The following PSD3 variants were observed in gnomAD, a reference collection of about 807,000 sequenced individuals.
The protein encoded by PSD3 is pleckstrin and Sec7 domain containing 3.
A neutral mutation model predicts 105.5 loss-of-function variants in PSD3; 49 were observed. The ratio of observed to expected loss-of-function variants is 0.46; its 90% CI spans 0.37 to 0.59. The LOEUF (loss-of-function observed/expected upper bound fraction) is 0.59, where lower values mean the gene tolerates loss of function less well. PSD3 is among the 20% of genes least tolerant of loss of function. The pLI, the probability that PSD3 is intolerant of heterozygous loss-of-function variation, is 0.00. For missense variants in PSD3, 1,561 were observed against 1,263.8 expected, an observed-to-expected ratio of 1.24 and a Z score of -3.57; for synonymous variants, 557 against 457.8, an observed-to-expected ratio of 1.22 and a Z score of -2.77.
chr8:18,676,387 TTTC>T (rs773769397), intron 9 of PSD3, among the ~76,000 whole-genome samples: 60 of 152,296 alleles, frequency 3.9e-4, no homozygotes, highest in Middle Eastern at 3.4e-3. Flanking sequence ...CATGTATTTC[TTTC>T]TTCTTCTCTT....
At chr8:18,781,710 A>G (rs1039835511) in intron 8 of PSD3, among the ~76,000 whole-genome samples, 7 of 152,152 alleles carry the variant, frequency 4.6e-5, no homozygotes, top group African/African-American at 1.7e-4. Flanking sequence ...ATATTTGAAG[A>G]TCTTCGAGCT....
intron 1 of PSD3, among the ~76,000 whole-genome samples, chr8:18,968,658 C>T (rs1391334283): frequency 2.0e-5 from 3 of 151,976 alleles, no homozygotes; most frequent in East Asian, 1.9e-4. Flanking sequence ...AGGCAGATCA[C>T]GAGGTCAGGA....
intron 11 of PSD3, among the ~76,000 whole-genome samples, chr8:18,623,645 G>GAAAAA (rs34586066): frequency 9.9e-6 from 1 of 101,410 alleles, no homozygotes; most frequent in Non-Finnish European, 2.1e-5. Context: ...CTCCATCTCA[G>GAAAAA]AAAAAAAAAA....
At chr8:18,818,557 G>C (rs77284227) in intron 4 of PSD3, among the ~76,000 whole-genome samples, 1,640 of 152,136 alleles carry the variant, frequency 0.011, 26 homozygotes, top group African/African-American at 0.036. Flanking sequence ...GGTAAAAAGA[G>C]GTTAGTGACA....
intron 1 of PSD3, among the ~76,000 whole-genome samples, chr8:19,021,518 C>T (rs1187708717): frequency 6.7e-6 from 1 of 149,852 alleles, no homozygotes; most frequent in African/African-American, 2.5e-5. Context: ...GGTTTCCAAG[C>T]TGACAGAAAT....
chr8:18,599,811 G>A (rs894557771), intron 12 of PSD3, among the ~76,000 whole-genome samples: 7 of 152,220 alleles, frequency 4.6e-5, no homozygotes, highest in Non-Finnish European at 8.8e-5. Flanking sequence ...TTTAAGGGGC[G>A]TCCTGGAGCC....
intron 11 of PSD3, among the ~76,000 whole-genome samples, chr8:18,601,692 C>CA (rs778735559): frequency 5.9e-5 from 9 of 151,512 alleles, no homozygotes; most frequent in African/African-American, 1.2e-4. Flanking sequence ...TACATATAAC[C>CA]AAAAAAAAGC....
chr8:18,849,273 G>C (rs761406808), intron 4 of PSD3: 4 of 152,144 alleles, frequency 2.6e-5, no homozygotes, highest in Non-Finnish European at 4.4e-5. Flanking sequence ...CTCATTCATT[G>C]ATCTTCCCAC....
At chr8:18,966,544 C>A (rs1291005798) in intron 1 of PSD3, among the ~76,000 whole-genome samples, 6 of 150,568 alleles carry the variant, frequency 4.0e-5, no homozygotes, top group Non-Finnish European at 7.4e-5. Flanking sequence ...GAACTCCGGC[C>A]TGGGCAACAG....
intron 8 of PSD3, among the ~76,000 whole-genome samples, chr8:18,771,169 G>A (rs780099558): frequency 6.6e-6 from 1 of 152,164 alleles, no homozygotes; most frequent in Admixed American, 6.5e-5. Context: ...GGAATGGGGG[G>A]CAGAGCAGGC....
At chr8:18,724,662 G>C (rs955859270) in intron 9 of PSD3, among the ~76,000 whole-genome samples, 1 of 151,996 alleles carries the variant, frequency 6.6e-6, no homozygotes, top group African/African-American at 2.4e-5. Flanking sequence ...TCTTTCTGCT[G>C]GTGGGGACCT....
At position 18,867,893 on chromosome 8, in the gene PSD3, A is replaced by C. The variant is rs1817060883; in HGVS notation, c.1415T>G (p.Phe472Cys). Residue 472 changes from phenylalanine (F) to cysteine (C), a missense_variant, in exon 4 of 16, where the codon TTT (phenylalanine) becomes TGT (cysteine). Phe to Cys is a radical substitution (Grantham distance 205, BLOSUM62 -2). Coordinates refer to ENST00000327040, the MANE Select transcript of PSD3 (RefSeq NM_015310.4). ...ETLYSEPDSY[F>C]SFEMPLTPMI... ...TGGAGTGAGGGGCATTTCAAAGCTA[A>C]AATAGCTATCAGGCTCTGAGTATAA... is the stretch of plus-strand genomic sequence containing the variant. 2 of 1,614,166 alleles carry C rather than the reference A, an allele frequency of 1.2e-6. No individual in the cohort carries two copies. Among genetic ancestry groups the C allele is most frequent in the Non-Finnish European group, 1.7e-6 (2 of 1,180,012 alleles).
intron 10 of PSD3, among the ~76,000 whole-genome samples, chr8:18,649,693 T>G (rs753086397): frequency 5.9e-5 from 9 of 152,216 alleles, no homozygotes; most frequent in African/African-American, 1.4e-4. Context: ...CACACAAATC[T>G]AATGTTGAAT....
intron 2 of PSD3, among the ~76,000 whole-genome samples, chr8:18,921,113 C>G (rs1351716570): frequency 1.3e-5 from 2 of 152,254 alleles, no homozygotes; most frequent in Non-Finnish European, 2.9e-5. Flanking sequence ...CAAATGTAAA[C>G]TACTTTTTTT....
At chr8:19,061,811 A>G (rs1166921517) in intron 1 of PSD3, among the ~76,000 whole-genome samples, 1 of 152,092 alleles carries the variant, frequency 6.6e-6, no homozygotes, top group African/African-American at 2.4e-5. Context: ...TCTAAAAAAA[A>G]AAAAAAAATC....
intron 1 of PSD3, among the ~76,000 whole-genome samples, chr8:18,999,466 G>A (rs1183246598): frequency 1.3e-5 from 2 of 151,862 alleles, no homozygotes; most frequent in East Asian, 1.9e-4. Context: ...AGAATCAGTT[G>A]TGTTTGCACC....
chr8:18,959,449 C>G (rs1225513434), intron 1 of PSD3, among the ~76,000 whole-genome samples: 2 of 152,112 alleles, frequency 1.3e-5, no homozygotes, highest in African/African-American at 4.8e-5. Context: ...AGCGGGTCCT[C>G]AGCCTACAAA....
chr8:18,947,014 A>T (rs1450013634), intron 1 of PSD3, among the ~76,000 whole-genome samples: 8 of 152,078 alleles, frequency 5.3e-5, no homozygotes, highest in Non-Finnish European at 1.2e-4. Context: ...ACAAATGGGG[A>T]AGATGCTCGT....
At chr8:18,603,610 T>C (rs1804596092) in intron 11 of PSD3, among the ~76,000 whole-genome samples, 2 of 152,240 alleles carry the variant, frequency 1.3e-5, no homozygotes, top group Non-Finnish European at 2.9e-5. Flanking sequence ...TGATAGTGTT[T>C]AGATCTGTGT....
Sources: allele counts gnomAD v4.1 joint callset (sites outside exome capture counted in the v4.1 genomes callset), GRCh38; gene constraint gnomAD v4.1.1; transcripts MANE v1.5; gene names NCBI Gene and HGNC (gene_info 2026-07-23, HGNC 2026-07-21).